SCHIP1: variants seen among roughly 807,000 people sequenced by gnomAD.
The protein encoded by SCHIP1 is schwannomin interacting protein 1.
Under a neutral mutation model 29.7 loss-of-function variants are expected in SCHIP1, and 8 were observed. The observed-to-expected ratio is 0.27, with a 90% CI of 0.16 to 0.49. The LOEUF is 0.49. Ranked by LOEUF, SCHIP1 falls within the 20% of genes least tolerant of loss-of-function variation. The probability of loss-of-function intolerance (pLI) is 0.99; values close to 1 mark genes in which losing one functional copy is unlikely to be tolerated. For synonymous variants in SCHIP1, 76 were observed against 94.9 expected (o/e 0.80, Z 1.16); for missense variants, 193 against 294.6 (o/e 0.66, Z 2.52).
the SCHIP1 span, among the ~76,000 whole-genome samples, chr3:159,394,629 G>A: frequency 2.4e-4 from 37 of 151,822 alleles, no homozygotes; most frequent in Admixed American, 3.9e-4. Context: ...ATTGATTTGC[G>A]TATATTGAAC....
At chr3:159,417,992 C>A in the SCHIP1 span, among the ~76,000 whole-genome samples, 7 of 152,158 alleles carry the variant, frequency 4.6e-5, no homozygotes, top group African/African-American at 1.7e-4. Context: ...CAAAGATCAA[C>A]AAAGACTACT....
the SCHIP1 span, among the ~76,000 whole-genome samples, chr3:159,514,647 T>G: frequency 2.0e-5 from 3 of 152,230 alleles, no homozygotes; most frequent in African/African-American, 7.2e-5. Flanking sequence ...GTAGCCAGAA[T>G]GTTTTACATT....
chr3:159,520,439 A>G, the SCHIP1 span, among the ~76,000 whole-genome samples: 1 of 152,216 alleles, frequency 6.6e-6, no homozygotes, highest in Non-Finnish European at 1.5e-5. Flanking sequence ...GGGAACAAAT[A>G]TGTGACTGCT....
chr3:159,520,074 A>G, the SCHIP1 span, among the ~76,000 whole-genome samples: 1 of 150,414 alleles, frequency 6.6e-6, no homozygotes, highest in Admixed American at 6.6e-5. Context: ...AATACCAGGA[A>G]GACACAATCT....
At chr3:159,706,593 T>A in the SCHIP1 span, among the ~76,000 whole-genome samples, 3 of 152,154 alleles carry the variant, frequency 2.0e-5, no homozygotes, top group East Asian at 5.8e-4. Flanking sequence ...TTCAGGAGAA[T>A]ACAGACAGGA....
chr3:159,274,255 A>G, the SCHIP1 span: 2 of 985,364 alleles, frequency 2.0e-6, no homozygotes, highest in Non-Finnish European at 2.4e-6. Context: ...CTCTCTTTGG[A>G]AAGTAGTTCC....
chr3:159,894,856 C>G (rs1717903730), intron 6 of SCHIP1: 1 of 152,156 alleles, frequency 6.6e-6, no homozygotes, highest in African/African-American at 2.4e-5. Context: ...ATGAAATTCA[C>G]TATTTTATTT....
the SCHIP1 span, among the ~76,000 whole-genome samples, chr3:159,410,048 G>A: frequency 6.6e-6 from 1 of 152,030 alleles, no homozygotes; most frequent in Admixed American, 6.6e-5. Context: ...TGAATAAATG[G>A]TGCTGGGAAA....
chr3:159,623,662 A>C, the SCHIP1 span, among the ~76,000 whole-genome samples: 1 of 152,150 alleles, frequency 6.6e-6, no homozygotes, highest in African/African-American at 2.4e-5. Context: ...TCCACTTTAC[A>C]TGGAAACTGC....
the SCHIP1 span, among the ~76,000 whole-genome samples, chr3:159,498,137 A>G: frequency 3.9e-5 from 6 of 152,200 alleles, no homozygotes; most frequent in Non-Finnish European, 8.8e-5. Flanking sequence ...CAAAAATTCA[A>G]TTGACATCCC....
the SCHIP1 span, among the ~76,000 whole-genome samples, chr3:159,599,738 A>T: frequency 6.6e-6 from 1 of 152,078 alleles, no homozygotes; most frequent in African/African-American, 2.4e-5. Context: ...TCTTATTGTC[A>T]TTGCGGTCTG....
At chr3:159,448,342 A>G in the SCHIP1 span, among the ~76,000 whole-genome samples, 1 of 152,100 alleles carries the variant, frequency 6.6e-6, no homozygotes, top group Non-Finnish European at 1.5e-5. Context: ...GTGGTGGTGC[A>G]CGCCTGTAAT....
the SCHIP1 span, among the ~76,000 whole-genome samples, chr3:159,628,557 A>T: frequency 6.6e-6 from 1 of 152,204 alleles, no homozygotes; most frequent in Non-Finnish European, 1.5e-5. Context: ...AATTTCACCA[A>T]AGACCTGGAA....
the SCHIP1 span, among the ~76,000 whole-genome samples, chr3:159,781,292 C>T: frequency 3.3e-5 from 5 of 152,270 alleles, no homozygotes; most frequent in East Asian, 5.8e-4. Flanking sequence ...TCACCTGCCT[C>T]GGCCTCTCAA....
chr3:159,586,556 A>G, the SCHIP1 span, among the ~76,000 whole-genome samples: 2 of 152,098 alleles, frequency 1.3e-5, no homozygotes, highest in Non-Finnish European at 2.9e-5. Flanking sequence ...TTTTCTTAAT[A>G]TTTAAACGTA....
At chr3:159,544,355 C>G in the SCHIP1 span, among the ~76,000 whole-genome samples, 3 of 152,016 alleles carry the variant, frequency 2.0e-5, no homozygotes, top group Non-Finnish European at 2.9e-5. Context: ...AGCATTCTTA[C>G]ACATATTGGA....
chr3:159,394,935 C>T, the SCHIP1 span, among the ~76,000 whole-genome samples: 26 of 152,206 alleles, frequency 1.7e-4, no homozygotes, highest in South Asian at 6.2e-4. Flanking sequence ...GCTGTGAATC[C>T]GTCTGGGCCT....
At chr3:159,440,576 T>G in the SCHIP1 span, among the ~76,000 whole-genome samples, 1 of 152,196 alleles carries the variant, frequency 6.6e-6, no homozygotes, top group Non-Finnish European at 1.5e-5. Context: ...GGGTTCACTC[T>G]CTTTTGCCAA....
the SCHIP1 span, among the ~76,000 whole-genome samples, chr3:159,741,718 C>A: frequency 6.6e-6 from 1 of 152,188 alleles, no homozygotes; most frequent in African/African-American, 2.4e-5. Flanking sequence ...CCAAAAATGG[C>A]AAAGTCTTGC....
Sources: allele counts gnomAD v4.1 joint callset (sites outside exome capture counted in the v4.1 genomes callset), GRCh38; gene constraint gnomAD v4.1.1; transcripts MANE v1.5; gene names NCBI Gene and HGNC (gene_info 2026-07-23, HGNC 2026-07-21).